The following UGT1A10 variants were observed in gnomAD, a reference collection of about 807,000 sequenced individuals.
UGT1A10 encodes UDP glucuronosyltransferase family 1 member A10, also known as UDP-glucuronosyltransferase 1A10.
A neutral mutation model predicts 45.8 loss-of-function variants in UGT1A10; 49 were observed. The observed-to-expected ratio is 1.07, with a 90% CI of 0.85 to 1.36. The LOEUF (loss-of-function observed/expected upper bound fraction) is 1.36, where lower values mean the gene tolerates loss of function less well. Among genes scored for constraint, UGT1A10 ranks in the 40% most tolerant of loss-of-function variants. UGT1A10 has a pLI of 0.00. For missense variants in UGT1A10, 745 were observed against 668.6 expected, an observed-to-expected ratio of 1.11 and a Z score of -1.26; for synonymous variants, 284 against 249.7, an observed-to-expected ratio of 1.14 and a Z score of -1.29.
intron 1 of UGT1A10, chr2:233,743,992 A>G: frequency 1.6e-6 from 2 of 1,255,210 alleles, no homozygotes; most frequent in South Asian, 1.3e-5. Context: ...CGCAGGCCCG[A>G]GTGCTCGGAG....
At chr2:233,744,050 T>G in intron 1 of UGT1A10, 1 of 675,568 alleles carries the variant, frequency 1.5e-6, no homozygotes, top group Non-Finnish European at 2.1e-6. Flanking sequence ...CCACATCTCA[T>G]TGGTCGAGGC....
chr2:233,705,497 CT>C (rs1357933630), intron 1 of UGT1A10, among the ~76,000 whole-genome samples: 2 of 151,954 alleles, frequency 1.3e-5, no homozygotes, highest in Non-Finnish European at 2.9e-5. Flanking sequence ...TAATAAATAC[CT>C]TTTTAAGAAT....
At chr2:233,764,334 G>A (rs1470444566) in intron 1 of UGT1A10, among the ~76,000 whole-genome samples, 1 of 152,188 alleles carries the variant, frequency 6.6e-6, no homozygotes, top group Non-Finnish European at 1.5e-5. Flanking sequence ...AGTAGGGGAT[G>A]GACTTCACCT....
chr2:233,674,105 G>A (rs2074273662), intron 1 of UGT1A10, among the ~76,000 whole-genome samples: 1 of 152,152 alleles, frequency 6.6e-6, no homozygotes, highest in South Asian at 2.1e-4. Context: ...GAGGGATGGA[G>A]TATACAATTT....
intron 1 of UGT1A10, among the ~76,000 whole-genome samples, chr2:233,724,201 G>A: frequency 7.6e-6 from 1 of 131,764 alleles, no homozygotes; most frequent in South Asian, 2.7e-4. Flanking sequence ...TGGCTGGCCG[G>A]GCTGAGGGGC....
intron 1 of UGT1A10, among the ~76,000 whole-genome samples, chr2:233,666,414 C>T (rs1319809891): frequency 6.6e-6 from 1 of 152,150 alleles, no homozygotes. Flanking sequence ...GATTAAACCT[C>T]AGTTTTAGTT....
At chr2:233,672,159 G>T in intron 1 of UGT1A10, 1 of 1,614,202 alleles carries the variant, frequency 6.2e-7, no homozygotes, top group Non-Finnish European at 8.5e-7. Context: ...GCACAGTGAA[G>T]ACTTATTCAA....
intron 3 of UGT1A10, 127 bp downstream of exon 3, chr2:233,768,063 T>A (rs1012824630): frequency 1.3e-6 from 2 of 1,599,680 alleles, no homozygotes; most frequent in African/African-American, 2.7e-5. Context: ...CATTGCTTTT[T>A]ATCTAGTGGG....
At chr2:233,730,124 T>C in intron 1 of UGT1A10, 4 of 1,544,442 alleles carry the variant, frequency 2.6e-6, no homozygotes, top group East Asian at 2.4e-5. Flanking sequence ...CTTGTCATAA[T>C]AGCCTTCAGT....
intron 4 of UGT1A10, 26 bp downstream of exon 4, chr2:233,768,465 C>T: frequency 6.2e-7 from 1 of 1,606,188 alleles, no homozygotes; most frequent in Non-Finnish European, 8.5e-7. Context: ...CAGAAGAATA[C>T]TTTGGTCATG....
intron 1 of UGT1A10, among the ~76,000 whole-genome samples, chr2:233,653,839 T>C (rs1300650283): frequency 6.6e-6 from 1 of 152,214 alleles, no homozygotes; most frequent in African/African-American, 2.4e-5. Flanking sequence ...TCAGATGATC[T>C]GCCCTTCTCA....
chr2:233,699,781 T>A (rs932467039), intron 1 of UGT1A10, among the ~76,000 whole-genome samples: 1 of 152,210 alleles, frequency 6.6e-6, no homozygotes, highest in Non-Finnish European at 1.5e-5. Context: ...TGTTCCCAAG[T>A]TTCCTCCTCT....
chr2:233,694,363 T>C (rs2075217598), intron 1 of UGT1A10, among the ~76,000 whole-genome samples: 1 of 151,732 alleles, frequency 6.6e-6, no homozygotes, highest in Admixed American at 6.6e-5. Context: ...CTAAGAATGG[T>C]TTTTGTAGTT....
chr2:233,720,049 G>A (rs1278605052), intron 1 of UGT1A10, among the ~76,000 whole-genome samples: 10 of 152,182 alleles, frequency 6.6e-5, no homozygotes, highest in East Asian at 5.8e-4. Context: ...TCAGCTGAAC[G>A]GTGATGCAAC....
chr2:233,654,431 T>C (rs2073809835), intron 1 of UGT1A10, among the ~76,000 whole-genome samples: 1 of 152,214 alleles, frequency 6.6e-6, no homozygotes, highest in South Asian at 2.1e-4. Flanking sequence ...TAATCGTAGA[T>C]ATATCTCTGT....
intron 1 of UGT1A10, among the ~76,000 whole-genome samples, chr2:233,679,192 T>C (rs914040206): frequency 6.6e-6 from 1 of 152,214 alleles, no homozygotes; most frequent in Non-Finnish European, 1.5e-5. Context: ...ACACCTTCAG[T>C]GTTGAACTTG....
At chr2:233,704,547 A>ATTACT (rs1423420833) in intron 1 of UGT1A10, among the ~76,000 whole-genome samples, 1 of 152,170 alleles carries the variant, frequency 6.6e-6, no homozygotes, top group African/African-American at 2.4e-5. Flanking sequence ...TGGTGATAAT[A>ATTACT]TTACTTTATA....
At position 233,636,464 on chromosome 2, in the gene UGT1A10, C is replaced by G; in HGVS notation, c.-59C>G. 3 of 1,553,928 alleles carry G rather than the reference C, an allele frequency of 1.9e-6. No individual in the cohort carries two copies. The highest frequency in any genetic ancestry group is 2.6e-6 in the Non-Finnish European group (3 of 1,149,574). On this transcript the variant is annotated 5_prime_UTR_variant, in exon 1 of 5. Coordinates refer to ENST00000344644, the MANE Select transcript of UGT1A10 (RefSeq NM_019075.4). ...TCAGGTTTTGTGCCTGTACTTCTTC[C>G]GCCTACTGTATCATAGCAGCTTAGA...
At chr2:233,653,654 T>TGGTG (rs972396171) in intron 1 of UGT1A10, among the ~76,000 whole-genome samples, 2 of 152,202 alleles carry the variant, frequency 1.3e-5, no homozygotes, top group African/African-American at 4.8e-5. Flanking sequence ...TGGAGTGCAG[T>TGGTG]GGTGCGATCT....
Sources: allele counts gnomAD v4.1 joint callset (sites outside exome capture counted in the v4.1 genomes callset), GRCh38; gene constraint gnomAD v4.1.1; transcripts MANE v1.5; gene names NCBI Gene and HGNC (gene_info 2026-07-23, HGNC 2026-07-21).